UBR3: variants seen among roughly 807,000 people sequenced by gnomAD.
UBR3 encodes E3 ubiquitin-protein ligase UBR3.
Under a neutral mutation model 243.2 loss-of-function variants are expected in UBR3, and 85 were observed. The ratio of observed to expected loss-of-function variants is 0.35; its 90% CI spans 0.29 to 0.42. The LOEUF (loss-of-function observed/expected upper bound fraction) is 0.42, where lower values mean the gene tolerates loss of function less well. UBR3 is among the 10% of genes least tolerant of loss of function. The pLI, the probability that UBR3 is intolerant of heterozygous loss-of-function variation, is 1.00. For missense variants in UBR3, 1,686 were observed against 2,300.8 expected, an observed-to-expected ratio of 0.73 and a Z score of 5.47; for synonymous variants, 748 against 799.8, an observed-to-expected ratio of 0.94 and a Z score of 1.09.
intron 27 of UBR3, among the ~76,000 whole-genome samples, chr2:170,005,778 A>T (rs566387157): frequency 1.3e-5 from 2 of 152,252 alleles, no homozygotes; most frequent in East Asian, 3.9e-4. Context: ...ATATAGTGAA[A>T]CTGCATAGGA....
chr2:170,024,710 T>A (rs2090484051), intron 30 of UBR3, among the ~76,000 whole-genome samples: 1 of 152,172 alleles, frequency 6.6e-6, no homozygotes, highest in Admixed American at 6.6e-5. Flanking sequence ...GGAGTACTTA[T>A]AATTAAGTCT....
intron 23 of UBR3, among the ~76,000 whole-genome samples, chr2:169,957,431 A>G (rs2087354783): frequency 1.3e-5 from 2 of 152,134 alleles, no homozygotes; most frequent in South Asian, 4.2e-4. Context: ...ATGAAGCTGG[A>G]AACCGTCATT....
rs754763909 is a variant in UBR3, at chr2:170,061,327, A to G, written c.4903A>G (p.Ile1635Val). 10 of 1,613,862 alleles carry G rather than the reference A, an allele frequency of 6.2e-6. No homozygotes were observed. The highest frequency in any genetic ancestry group is 2.7e-5 in the African/African-American group (2 of 74,904). ...GTQECAMVNP[I>V]AWSPESMEKC... Reference sequence around the variant, plus strand: ...TCTTTTTTAACTTTAGGTTAACCCTATTGCTTGGTCTCCTGAATCCATGGA... The same window carrying G: ...TCTTTTTTAACTTTAGGTTAACCCTGTTGCTTGGTCTCCTGAATCCATGGA... Residue 1635 changes from isoleucine (I) to valine (V), a missense_variant, in exon 35 of 39, where the codon ATT (isoleucine) becomes GTT (valine). This residue lies in a region of UBR3 where 371 missense variants were observed against 422.5 expected (regional missense o/e 0.88). Transcript: ENST00000272793.
intron 19 of UBR3, among the ~76,000 whole-genome samples, chr2:169,935,882 T>G (rs1211352519): frequency 6.6e-6 from 1 of 152,206 alleles, no homozygotes; most frequent in East Asian, 1.9e-4. Flanking sequence ...TGCCACATAT[T>G]TAGTGGCTAC....
rs2085307438 is a variant in UBR3, at chr2:169,912,858, G to C, written c.1780-1202G>C. ...TGCAGTAGCATGATCATAGCTCATT[G>C]CATCCTTAAAATCCTGGGCTCAAGC... On this transcript the variant is annotated intron_variant, in intron 10 of 38. Coordinates refer to ENST00000272793, the MANE Select transcript of UBR3 (RefSeq NM_172070.4). Among the ~76,000 whole-genome samples the C allele has an allele frequency of 2.6e-5, 4 of 151,682 alleles. No individual in the cohort carries two copies. The South Asian group carries it at 6.2e-4, about 24-fold the overall frequency.
chr2:169,996,693 G>GTTTTT (rs397871702), intron 26 of UBR3, among the ~76,000 whole-genome samples: 37 of 64,506 alleles, frequency 5.7e-4, no homozygotes, highest in East Asian at 7.1e-4. Flanking sequence ...TTGGACTTTT[G>GTTTTT]TTTTTTTTTT....
At chr2:169,926,339 G>A (rs547108313) in intron 14 of UBR3, among the ~76,000 whole-genome samples, 1 of 152,332 alleles carries the variant, frequency 6.6e-6, no homozygotes, top group East Asian at 1.9e-4. Flanking sequence ...TGTTATCCCA[G>A]CACTCTGGGA....
In UBR3 at chr2:169,947,671, G is replaced by GACTC. The variant is rs2086839625; in HGVS notation, c.3043_3046dup (p.Pro1016LeufsTer6). 1 of 1,535,924 alleles carries GACTC rather than the reference G, an allele frequency of 6.5e-7. No individual in the cohort carries two copies. The highest frequency in any genetic ancestry group is 8.8e-7 in the Non-Finnish European group (1 of 1,139,932). On this transcript the variant is annotated frameshift_variant, in exon 22 of 39. Transcript: ENST00000272793. LOFTEE classifies it high-confidence loss of function. ...AGAGACTGCTCCTGAAGTAAAGAGA[G>GACTC]ACTCACCTGCAAGTACTAGCTCTGA...
intron 24 of UBR3, among the ~76,000 whole-genome samples, chr2:169,969,169 T>C (rs2087967186): frequency 6.6e-6 from 1 of 152,242 alleles, no homozygotes; most frequent in Non-Finnish European, 1.5e-5. Flanking sequence ...ATTGTTTTCT[T>C]TGCTGTACAA....
intron 24 of UBR3, among the ~76,000 whole-genome samples, chr2:169,981,792 T>C (rs2088745736): frequency 6.6e-6 from 1 of 152,058 alleles, no homozygotes; most frequent in Admixed American, 6.6e-5. Flanking sequence ...TCTGCAAATC[T>C]AAAACTATTA....
chr2:170,004,684 G>T (rs1466010701), intron 27 of UBR3, among the ~76,000 whole-genome samples: 1 of 150,008 alleles, frequency 6.7e-6, no homozygotes, highest in Non-Finnish European at 1.5e-5. Context: ...GCTGAGGTGG[G>T]TGGATCACCT....
At chr2:169,900,487 T>C (rs1284511035) in intron 8 of UBR3, among the ~76,000 whole-genome samples, 1 of 152,238 alleles carries the variant, frequency 6.6e-6, no homozygotes, top group African/African-American at 2.4e-5. Context: ...GCAGAAGCTC[T>C]TTAGTTTAAT....
chr2:169,852,780 G>C (rs1158941868), intron 1 of UBR3, among the ~76,000 whole-genome samples: 1 of 147,012 alleles, frequency 6.8e-6, no homozygotes, highest in Non-Finnish European at 1.5e-5. Context: ...GAACCCAGTG[G>C]GTGGAGGTTG....
chr2:169,986,850 A>C, intron 25 of UBR3, 56 bp downstream of exon 25: 1 of 1,554,420 alleles, frequency 6.4e-7, no homozygotes, highest in Non-Finnish European at 8.8e-7. Flanking sequence ...TATATACAAC[A>C]GATTAATAAA....
At chr2:170,001,966 A>C (rs1015143829) in intron 27 of UBR3, among the ~76,000 whole-genome samples, 2 of 145,358 alleles carry the variant, frequency 1.4e-5, no homozygotes, top group African/African-American at 5.1e-5. Flanking sequence ...TTTTCACTTT[A>C]GCAACTGACT....
At chr2:169,924,805 C>A (rs553243862) in intron 13 of UBR3, among the ~76,000 whole-genome samples, 5 of 152,126 alleles carry the variant, frequency 3.3e-5, no homozygotes, top group African/African-American at 1.2e-4. Context: ...GAGGCCAAGG[C>A]GGGCAGATCA....
At chr2:170,075,231 A>T (rs942390562) in intron 36 of UBR3, among the ~76,000 whole-genome samples, 6 of 152,284 alleles carry the variant, frequency 3.9e-5, no homozygotes, top group African/African-American at 1.4e-4. Flanking sequence ...AAGTTAATTG[A>T]ATCTTGCATA....
intron 19 of UBR3, among the ~76,000 whole-genome samples, chr2:169,933,880 T>TAACAAC (rs67099094): frequency 0.041 from 6,208 of 151,362 alleles, 139 homozygotes; most frequent in Middle Eastern, 0.065. Context: ...TTTAAATCAA[T>TAACAAC]AACAACAACA....
intron 24 of UBR3, among the ~76,000 whole-genome samples, chr2:169,978,716 T>C (rs1450593658): frequency 6.6e-6 from 1 of 151,988 alleles, no homozygotes; most frequent in Non-Finnish European, 1.5e-5. Flanking sequence ...ATTTGGGCCC[T>C]TGAGGGTTAT....
Sources: gnomAD v4.1 joint callset for allele counts (sites outside exome capture counted in the v4.1 genomes callset) on GRCh38, gnomAD v4.1.1 for gene constraint, gnomAD v4.1.1 regional missense constraint, MANE v1.5 for transcripts, NCBI Gene and HGNC (gene_info 2026-07-23, HGNC 2026-07-21) for gene names.